PLBD1: variants seen among roughly 807,000 people sequenced by gnomAD.
PLBD1 encodes the protein lysosomal leucine aminopeptidase.
In PLBD1, 60 loss-of-function variants were observed where a neutral mutation model predicts 63.0. The ratio of observed to expected loss-of-function variants is 0.95; its 90% CI spans 0.77 to 1.18. The LOEUF (loss-of-function observed/expected upper bound fraction) is 1.18, where lower values mean the gene tolerates loss of function less well. Ranked by LOEUF, PLBD1 falls within the 50% of genes most tolerant of loss-of-function variation. The pLI, the probability that PLBD1 is intolerant of heterozygous loss-of-function variation, is 0.00. For synonymous variants in PLBD1, 262 were observed against 248.0 expected (o/e 1.06, Z -0.53); for missense variants, 598 against 677.9 (o/e 0.88, Z 1.31).
At position 14,516,825 on chromosome 12, in the gene PLBD1, G is replaced by T. The variant is rs375183928; in HGVS notation, c.845-5114C>A. Among the ~76,000 whole-genome samples the T allele has an allele frequency of 2.0e-4, 31 of 152,154 alleles. No homozygotes were observed. In the East Asian group the frequency reaches 5.6e-3, roughly 28 times the overall value. On this transcript the variant is annotated intron_variant, in intron 6 of 10. Coordinates refer to ENST00000240617, the MANE Select transcript of PLBD1 (RefSeq NM_024829.6). ...AGGCAGAGGAGGGCGGATCACCTGA[G>T]TTCAGGAGTTCGAGATTAGCCTGGC... is the stretch of plus-strand genomic sequence containing the variant.
intron 8 of PLBD1, among the ~76,000 whole-genome samples, chr12:14,510,270 T>C (rs1478893298): frequency 6.6e-6 from 1 of 152,158 alleles, no homozygotes; most frequent in Non-Finnish European, 1.5e-5. Context: ...GGCACGTGCC[T>C]GTAGTCCCAG....
chr12:14,517,251 A>T (rs1945343882), intron 6 of PLBD1, among the ~76,000 whole-genome samples: 1 of 152,072 alleles, frequency 6.6e-6, no homozygotes, highest in East Asian at 1.9e-4. Flanking sequence ...GGATCAAAGG[A>T]TCCTCCCACC....
intron 2 of PLBD1, among the ~76,000 whole-genome samples, chr12:14,548,457 C>CAAAA (rs56119793): frequency 7.3e-5 from 5 of 68,372 alleles, no homozygotes; most frequent in South Asian, 6.8e-4. Context: ...ACTCCATCTC[C>CAAAA]AAAAAAAAAA....
chr12:14,567,299 T>A (rs1167231167), intron 1 of PLBD1, among the ~76,000 whole-genome samples: 1 of 152,238 alleles, frequency 6.6e-6, no homozygotes, highest in Non-Finnish European at 1.5e-5. Context: ...CAGCCCAGGC[T>A]CTGTGGGCCA....
intron 6 of PLBD1, among the ~76,000 whole-genome samples, chr12:14,529,770 C>A (rs1359902837): frequency 1.3e-5 from 2 of 151,998 alleles, no homozygotes; most frequent in Non-Finnish European, 1.5e-5. Flanking sequence ...AGGTCTTCTC[C>A]AGCACAATCA....
intron 4 of PLBD1, among the ~76,000 whole-genome samples, chr12:14,540,053 T>TATAC (rs1555147116): frequency 2.3e-5 from 2 of 87,348 alleles, no homozygotes; most frequent in Non-Finnish European, 4.3e-5. Context: ...TATATATATA[T>TATAC]ACACACACAC....
At chr12:14,545,324 T>G (rs1592006379) in intron 2 of PLBD1, among the ~76,000 whole-genome samples, 1 of 152,240 alleles carries the variant, frequency 6.6e-6, no homozygotes, top group African/African-American at 2.4e-5. Context: ...CTCAGAGCCT[T>G]GAGGCCCTCA....
At chr12:14,545,060 T>C (rs1945607094) in intron 2 of PLBD1, among the ~76,000 whole-genome samples, 1 of 152,180 alleles carries the variant, frequency 6.6e-6, no homozygotes, top group East Asian at 1.9e-4. Flanking sequence ...TGCCTCCATC[T>C]GAGTCCTAGG....
At chr12:14,516,460 G>C (rs1945337629) in intron 6 of PLBD1, among the ~76,000 whole-genome samples, 1 of 152,204 alleles carries the variant, frequency 6.6e-6, no homozygotes, top group South Asian at 2.1e-4. Context: ...GGATGGTCTA[G>C]GGTGCTTGTT....
chr12:14,524,823 C>G (rs1330960879), intron 6 of PLBD1, among the ~76,000 whole-genome samples: 2 of 152,072 alleles, frequency 1.3e-5, no homozygotes, highest in African/African-American at 4.8e-5. Flanking sequence ...TTAAGAGTTA[C>G]CAGAGAGGGA....
At chr12:14,547,222 G>GTGT (rs1263102588) in intron 2 of PLBD1, among the ~76,000 whole-genome samples, 12 of 145,124 alleles carry the variant, frequency 8.3e-5, no homozygotes, top group Middle Eastern at 3.3e-3. Flanking sequence ...GTGTGTGTGT[G>GTGT]TAGACTAGCT....
chr12:14,509,893 A>G (rs1297454686), intron 8 of PLBD1, among the ~76,000 whole-genome samples: 1 of 152,128 alleles, frequency 6.6e-6, no homozygotes, highest in East Asian at 1.9e-4. Flanking sequence ...TATTTATCTT[A>G]ATTAATTTTC....
At chr12:14,561,221 C>T (rs1049291037) in intron 1 of PLBD1, among the ~76,000 whole-genome samples, 1 of 151,244 alleles carries the variant, frequency 6.6e-6, no homozygotes, top group Non-Finnish European at 1.5e-5. Flanking sequence ...AAACAACAAT[C>T]CACAAATGCA....
rs773115425 is a variant in PLBD1, at chr12:14,556,094, A to G, written c.116-2682T>C. 4.5e-4 allele frequency among the ~76,000 whole-genome samples: 68 copies of G among 152,238 alleles called. 1 individual carries two copies. Among genetic ancestry groups the G allele is most frequent in the Non-Finnish European group, 1.2e-4 (8 of 68,038 alleles). Reference sequence around the variant, plus strand: ...TGTTCTTTTCTCTGTCTGAGAAGCCATTACACATGTGCTCTGGTTGAAGAA... The same window carrying G: ...TGTTCTTTTCTCTGTCTGAGAAGCCGTTACACATGTGCTCTGGTTGAAGAA... On this transcript the variant is annotated intron_variant, in intron 1 of 10. Coordinates refer to ENST00000240617, the MANE Select transcript of PLBD1 (RefSeq NM_024829.6).
At position 14,536,691 on chromosome 12, in the gene PLBD1, A is replaced by G. The variant is rs568696326; in HGVS notation, c.578T>C (p.Ile193Thr). ...EGTKPMTLFQIQFLNSVGDLL... is the reference protein window; with the variant it reads ...EGTKPMTLFQTQFLNSVGDLL... ...ATCTCCAACACTATTCAGGAACTGA[A>G]TCTGGAACAGGGTCATTGGCTAGGA... is the stretch of plus-strand genomic sequence containing the variant. Residue 193 changes from isoleucine (I) to threonine (T), a missense_variant, in exon 5 of 11, where the codon ATT (isoleucine) becomes ACT (threonine). Transcript: ENST00000240617. 6.2e-7 allele frequency: 1 copy of G among 1,614,162 alleles called. No homozygotes were observed. Among genetic ancestry groups the G allele is most frequent in the African/African-American group, 1.3e-5 (1 of 75,050 alleles).
At position 14,535,658 on chromosome 12, in the gene PLBD1, C is replaced by T; in HGVS notation, c.844+1G>A. 1.2e-6 allele frequency: 2 copies of T among 1,613,740 alleles called. No individual in the cohort carries two copies. The highest frequency in any genetic ancestry group is 1.1e-5 in the South Asian group (1 of 91,026). On this transcript the variant is annotated splice_donor_variant, in intron 6 of 10. Transcript: ENST00000240617. LOFTEE classifies it high-confidence loss of function. ...TCAGATGTTCCTTTAAATTCATTTA[C>T]CTGGGTAACTGCTGAAAGAGAGGCG...
At chr12:14,565,839 T>C (rs1410583348) in intron 1 of PLBD1, among the ~76,000 whole-genome samples, 1 of 152,178 alleles carries the variant, frequency 6.6e-6, no homozygotes, top group East Asian at 1.9e-4. Context: ...AAGAATCCTT[T>C]CCAGATTGCT....
intron 3 of PLBD1, among the ~76,000 whole-genome samples, chr12:14,541,229 T>G (rs1020938076): frequency 6.6e-6 from 1 of 152,216 alleles, no homozygotes; most frequent in African/African-American, 2.4e-5. Context: ...AAAACCACAA[T>G]GTTTCACAAA....
intron 6 of PLBD1, among the ~76,000 whole-genome samples, chr12:14,513,670 C>G (rs940555319): frequency 1.3e-5 from 2 of 152,150 alleles, no homozygotes; most frequent in Non-Finnish European, 2.9e-5. Flanking sequence ...CTTCTGATAA[C>G]CTGGGACTAA....
Sources: gnomAD v4.1 joint callset for allele counts (sites outside exome capture counted in the v4.1 genomes callset) on GRCh38, gnomAD v4.1.1 for gene constraint, MANE v1.5 for transcripts, NCBI Gene and HGNC (gene_info 2026-07-23, HGNC 2026-07-21) for gene names.